The following WWOX variants were observed in gnomAD, a reference collection of about 807,000 sequenced individuals.
WWOX encodes WW domain containing oxidoreductase, also known as WW domain-containing oxidoreductase.
WWOX carries 69 observed loss-of-function variants against 46.2 expected under a neutral mutation model. The ratio of observed to expected loss-of-function variants is 1.49; its 90% confidence interval spans 1.23 to 1.82. WWOX has a LOEUF of 1.82. Ranked by LOEUF, WWOX falls within the 40% of genes most tolerant of loss-of-function variation. The pLI, the probability that WWOX is intolerant of heterozygous loss-of-function variation, is 0.00. For synonymous variants in WWOX, 359 were observed against 202.6 expected (o/e 1.77, Z -6.56); for missense variants, 919 against 542.6 (o/e 1.69, Z -6.89).
At position 78,795,011 on chromosome 16, in the gene WWOX, G is replaced by A. The variant is rs535439300; in HGVS notation, c.1056+362259G>A. On this transcript the variant is annotated intron_variant, in intron 8 of 8. Transcript: ENST00000566780. ...AGTCTGTAAGTAATGGGAGTTGGAG[G>A]CTTAACACTGATCTTTGAGCTGGCG... 3.3e-5 allele frequency among the ~76,000 whole-genome samples: 5 copies of A among 152,314 alleles called. No homozygotes were observed. In the South Asian group the frequency reaches 1.0e-3, roughly 32 times the overall value.
intron 8 of WWOX, among the ~76,000 whole-genome samples, chr16:79,179,167 A>G (rs1301678040): frequency 6.6e-6 from 1 of 152,248 alleles, no homozygotes. Flanking sequence ...GGACATAATT[A>G]AAAGTCCTGT....
At chr16:79,058,731 C>A (rs372029894) in intron 8 of WWOX, among the ~76,000 whole-genome samples, 2 of 152,182 alleles carry the variant, frequency 1.3e-5, no homozygotes, top group African/African-American at 4.8e-5. Flanking sequence ...TATCTGTGTG[C>A]ATCCTGGCAA....
intron 8 of WWOX, among the ~76,000 whole-genome samples, chr16:78,573,931 C>G (rs545823900): frequency 4.6e-5 from 7 of 152,316 alleles, no homozygotes; most frequent in African/African-American, 1.7e-4. Flanking sequence ...TAGCTGGGTC[C>G]TCTGCCTAGG....
chr16:78,935,768 C>T (rs1273627006), intron 8 of WWOX, among the ~76,000 whole-genome samples: 1 of 151,840 alleles, frequency 6.6e-6, no homozygotes, highest in Non-Finnish European at 1.5e-5. Flanking sequence ...AAAAAATTAG[C>T]TGGGCGTGAT....
At chr16:78,557,481 C>G (rs929412077) in intron 8 of WWOX, among the ~76,000 whole-genome samples, 11 of 152,102 alleles carry the variant, frequency 7.2e-5, no homozygotes, top group Admixed American at 5.9e-4. Context: ...AAACCCCATT[C>G]TCTTCATTTC....
intron 5 of WWOX, among the ~76,000 whole-genome samples, chr16:78,338,700 T>C (rs1597059466): frequency 1.6e-5 from 2 of 122,064 alleles, no homozygotes; most frequent in East Asian, 3.9e-4. Context: ...TGTCGTAATT[T>C]AAGCCTAATA....
chr16:78,636,838 G>C (rs192052230), intron 8 of WWOX, among the ~76,000 whole-genome samples: 1 of 152,122 alleles, frequency 6.6e-6, no homozygotes, highest in Non-Finnish European at 1.5e-5. Flanking sequence ...CTTCAGATAC[G>C]CTCTTCATGG....
At chr16:78,103,885 C>T (rs531358688) in intron 1 of WWOX, among the ~76,000 whole-genome samples, 30 of 152,076 alleles carry the variant, frequency 2.0e-4, no homozygotes, top group Non-Finnish European at 3.2e-4. Flanking sequence ...TTCCCACCTG[C>T]CTCACGGTTC....
At chr16:78,167,473 A>G (rs765043033) in intron 5 of WWOX, 1 of 152,220 alleles carries the variant, frequency 6.6e-6, no homozygotes, top group East Asian at 1.9e-4. Context: ...CAGACTAAGA[A>G]TTATTCAGAA....
chr16:78,101,173 G>A (rs1442946176), intron 1 of WWOX, among the ~76,000 whole-genome samples: 1 of 150,730 alleles, frequency 6.6e-6, no homozygotes, highest in Non-Finnish European at 1.5e-5. Context: ...TCAGCCTCCC[G>A]AGTAGCTGGG....
intron 8 of WWOX, among the ~76,000 whole-genome samples, chr16:78,561,110 T>G (rs2044424569): frequency 6.6e-6 from 1 of 152,164 alleles, no homozygotes; most frequent in South Asian, 2.1e-4. Flanking sequence ...CTTGAAGTTG[T>G]AAGACTAGGG....
At chr16:78,815,749 G>T (rs912405139) in intron 8 of WWOX, among the ~76,000 whole-genome samples, 2 of 152,218 alleles carry the variant, frequency 1.3e-5, no homozygotes, top group Admixed American at 6.5e-5. Flanking sequence ...CAATGCATCT[G>T]TCTGAGGCCA....
chr16:78,855,598 G>A (rs2052547137), intron 8 of WWOX, among the ~76,000 whole-genome samples: 1 of 152,202 alleles, frequency 6.6e-6, no homozygotes, highest in Non-Finnish European at 1.5e-5. Flanking sequence ...GCTCAGAGCT[G>A]TAGCCCATCA....
chr16:78,469,809 CA>C (rs2084176600), intron 8 of WWOX, among the ~76,000 whole-genome samples: 1 of 152,170 alleles, frequency 6.6e-6, no homozygotes, highest in Non-Finnish European at 1.5e-5. Flanking sequence ...TAGCCAGCCA[CA>C]GGGCCAAGTG....
intron 8 of WWOX, among the ~76,000 whole-genome samples, chr16:78,521,440 C>T (rs1459016113): frequency 6.6e-6 from 1 of 152,108 alleles, no homozygotes; most frequent in East Asian, 1.9e-4. Context: ...ATGAGGAAGG[C>T]AGAGAGAGCT....
intron 8 of WWOX, among the ~76,000 whole-genome samples, chr16:78,751,754 GGAAGGAGGAAGGGAA>G (rs1173503295): frequency 2.0e-5 from 3 of 150,880 alleles, no homozygotes; most frequent in Non-Finnish European, 4.4e-5. Flanking sequence ...AAGGAAGGAA[GGAAGGAGGAAGGGAA>G]GAAGGAGGGA....
intron 8 of WWOX, among the ~76,000 whole-genome samples, chr16:78,690,305 C>G (rs956304969): frequency 1.3e-5 from 2 of 152,174 alleles, no homozygotes; most frequent in Non-Finnish European, 2.9e-5. Flanking sequence ...AACCCCAGCA[C>G]TCTGGAAGGC....
chr16:79,153,463 T>G (rs2050320607), intron 8 of WWOX, among the ~76,000 whole-genome samples: 1 of 152,192 alleles, frequency 6.6e-6, no homozygotes, highest in African/African-American at 2.4e-5. Context: ...TCATTTGGTT[T>G]ACATCGGGAA....
In WWOX at chr16:78,687,211, A is replaced by C. The variant is rs2047882918; in HGVS notation, c.1056+254459A>C. Among the ~76,000 whole-genome samples, 4 of 152,328 alleles carry C rather than the reference A, an allele frequency of 2.6e-5. No homozygotes were observed. The South Asian group carries it at 8.3e-4, about 32-fold the overall frequency. On this transcript the variant is annotated intron_variant, in intron 8 of 8. Coordinates refer to ENST00000566780, the MANE Select transcript of WWOX (RefSeq NM_016373.4). ...GTTCTCTTGTCTCTGTTCATGATAT[A>C]ACAGTAAATCCAAGTTGCTTTAAGT...
Sources: gnomAD v4.1 joint callset for allele counts (sites outside exome capture counted in the v4.1 genomes callset) on GRCh38, gnomAD v4.1.1 for gene constraint, MANE v1.5 for transcripts, NCBI Gene and HGNC (gene_info 2026-07-23, HGNC 2026-07-21) for gene names.